Variants in SEC11C observed in about 807,000 individuals in gnomAD.
SEC11C encodes SEC11 homolog C, signal peptidase complex subunit.
SEC11C carries 10 observed loss-of-function variants against 21.9 expected under a neutral mutation model. The ratio of observed to expected loss-of-function variants is 0.46; its 90% CI spans 0.28 to 0.77. The LOEUF (loss-of-function observed/expected upper bound fraction) is 0.77, where lower values mean the gene tolerates loss of function less well. Among genes scored for constraint, SEC11C ranks in the 30% least tolerant of loss-of-function variants. The pLI, the probability that SEC11C is intolerant of heterozygous loss-of-function variation, is 0.12. For synonymous variants in SEC11C, 83 were observed against 85.6 expected, an observed-to-expected ratio of 0.97 and a Z score of 0.17; for missense variants, 145 against 244.5, an observed-to-expected ratio of 0.59 and a Z score of 2.71.
chr18:59,148,255 G>T (rs552456311), intron 1 of SEC11C, among the ~76,000 whole-genome samples: 1 of 152,330 alleles, frequency 6.6e-6, no homozygotes, highest in South Asian at 2.1e-4. Context: ...CTGGAGGGCG[G>T]TGCTGGCAAT....
chr18:59,141,975 G>T (rs190308970), intron 1 of SEC11C, among the ~76,000 whole-genome samples: 2 of 152,214 alleles, frequency 1.3e-5, no homozygotes, highest in African/African-American at 2.4e-5. Context: ...TCTACACTCT[G>T]CTGTGAGCAT....
At chr18:59,145,660 A>C (rs919506024) in intron 1 of SEC11C, among the ~76,000 whole-genome samples, 1 of 152,184 alleles carries the variant, frequency 6.6e-6, no homozygotes, top group Non-Finnish European at 1.5e-5. Flanking sequence ...GATGCAATCA[A>C]AGGGCTTTAG....
At chr18:59,156,609 A>G (rs1198485888) in intron 4 of SEC11C, 1 of 152,238 alleles carries the variant, frequency 6.6e-6, no homozygotes, top group African/African-American at 2.4e-5. Flanking sequence ...TCTGATTGAC[A>G]TAACAGAGAA....
intron 1 of SEC11C, among the ~76,000 whole-genome samples, chr18:59,140,552 C>A (rs1464870547): frequency 6.6e-6 from 1 of 152,128 alleles, no homozygotes; most frequent in African/African-American, 2.4e-5. Context: ...GACCGTGGGT[C>A]GGGACTAAAT....
At chr18:59,144,511 G>A (rs577726633) in intron 1 of SEC11C, among the ~76,000 whole-genome samples, 106 of 152,184 alleles carry the variant, frequency 7.0e-4, no homozygotes, top group Non-Finnish European at 9.6e-4. Flanking sequence ...CTTGAGGCTA[G>A]TATGTTCAAG....
intron 1 of SEC11C, among the ~76,000 whole-genome samples, chr18:59,145,259 T>C (rs5021991): frequency 0.32 from 49,170 of 152,216 alleles, 10,006 homozygotes; most frequent in East Asian, 0.64. Context: ...CTTTTACATA[T>C]TGTCTATGGC....
chr18:59,150,962 CT>C (rs35585459), intron 2 of SEC11C, among the ~76,000 whole-genome samples: 3,505 of 145,172 alleles, frequency 0.024, 213 homozygotes, highest in East Asian at 0.22. Context: ...CACTTAGGGA[CT>C]TTTTTTTTTT....
At chr18:59,151,498 C>T (rs977012977) in intron 2 of SEC11C, among the ~76,000 whole-genome samples, 8 of 152,130 alleles carry the variant, frequency 5.3e-5, no homozygotes, top group Non-Finnish European at 2.9e-5. Flanking sequence ...AATGCTTCAT[C>T]CATGTCCATA....
intron 5 of SEC11C, among the ~76,000 whole-genome samples, chr18:59,158,231 T>C (rs1341233267): frequency 1.3e-5 from 2 of 152,114 alleles, no homozygotes; most frequent in Non-Finnish European, 2.9e-5. Context: ...CATTTCTGTA[T>C]TTTTAGTAGA....
Position 59,149,581 on chromosome 18 carries a change from C to T in SEC11C, c.156C>T (p.Ile52=), listed in dbSNP as rs2069322298. The change falls in exon 2 of 6, where the codon ATC becomes ATT. Residue 52 remains isoleucine (I), a synonymous_variant. Coordinates refer to ENST00000587834, the MANE Select transcript of SEC11C (RefSeq NM_033280.4). ...CACTCATGATATGGAAAGGCTTGAT[C>T]GTGCTCACAGGCAGTGAGAGCCCCA... is the stretch of plus-strand genomic sequence containing the variant. ...SSALMIWKGL[I]VLTGSESPIV... 9 of 1,613,108 alleles carry T rather than the reference C, an allele frequency of 5.6e-6. No individual in the cohort carries two copies. The highest frequency in any genetic ancestry group is 2.2e-5 in the South Asian group (2 of 90,994).
intron 3 of SEC11C, among the ~76,000 whole-genome samples, chr18:59,155,437 C>T (rs561860030): frequency 1.3e-5 from 2 of 152,264 alleles, no homozygotes; most frequent in East Asian, 3.9e-4. Flanking sequence ...TGCCCTTGTG[C>T]TTGGTCATGC....
intron 3 of SEC11C, among the ~76,000 whole-genome samples, chr18:59,155,212 G>C (rs2069405888): frequency 6.6e-6 from 1 of 152,224 alleles, no homozygotes; most frequent in African/African-American, 2.4e-5. Context: ...AAGTGAGTCT[G>C]GAAAAGCTCC....
intron 5 of SEC11C, among the ~76,000 whole-genome samples, 185 bp downstream of exon 5, chr18:59,157,850 A>G (rs574282820): frequency 1.3e-5 from 2 of 152,278 alleles, no homozygotes; most frequent in Admixed American, 6.5e-5. Context: ...TAAAATAGCT[A>G]CTTTCCCCTT....
chr18:59,151,218 T>C (rs950094654), intron 2 of SEC11C, among the ~76,000 whole-genome samples: 1 of 152,230 alleles, frequency 6.6e-6, no homozygotes, highest in Non-Finnish European at 1.5e-5. Flanking sequence ...GCAGTTCCCT[T>C]AACCGTTACT....
chr18:59,145,805 G>A (rs2069267850), intron 1 of SEC11C, among the ~76,000 whole-genome samples: 1 of 152,182 alleles, frequency 6.6e-6, no homozygotes, highest in African/African-American at 2.4e-5. Flanking sequence ...TATTTTTACT[G>A]TGCCTTTTCT....
chr18:59,152,321 G>C (rs902086682), intron 2 of SEC11C, among the ~76,000 whole-genome samples: 2 of 152,084 alleles, frequency 1.3e-5, no homozygotes, highest in Admixed American at 6.6e-5. Flanking sequence ...ACAAACTGCA[G>C]AGGGTCCTGT....
At chr18:59,143,375 A>AG (rs2069233913) in intron 1 of SEC11C, among the ~76,000 whole-genome samples, 2 of 150,070 alleles carry the variant, frequency 1.3e-5, no homozygotes, top group African/African-American at 4.9e-5. Flanking sequence ...AAAAAAAAAA[A>AG]GTGTGTAACT....
intron 5 of SEC11C, among the ~76,000 whole-genome samples, chr18:59,157,873 T>G (rs961720841): frequency 1.3e-5 from 2 of 152,228 alleles, no homozygotes; most frequent in African/African-American, 2.4e-5. Flanking sequence ...ATGTTCAGTG[T>G]TCTAAAATGG....
intron 2 of SEC11C, 43 bp downstream of exon 2, chr18:59,149,665 A>G: frequency 7.5e-7 from 1 of 1,335,292 alleles, no homozygotes; most frequent in Non-Finnish European, 1.1e-6. Context: ...CCTCCATCAC[A>G]AGGCTGCCTT....
Sources: allele counts gnomAD v4.1 joint callset (sites outside exome capture counted in the v4.1 genomes callset), GRCh38; gene constraint gnomAD v4.1.1; transcripts MANE v1.5; gene names NCBI Gene and HGNC (gene_info 2026-07-23, HGNC 2026-07-21).